Variants in ESRRG observed in about 807,000 individuals in gnomAD.
ESRRG encodes estrogen related receptor gamma.
Under a neutral mutation model 44.0 loss-of-function variants are expected in ESRRG, and 13 were observed. That is an observed-to-expected ratio of 0.30 (90% CI 0.19 to 0.47). The LOEUF (loss-of-function observed/expected upper bound fraction) is 0.47, where lower values mean the gene tolerates loss of function less well. ESRRG is among the 20% of genes least tolerant of loss of function. The pLI, the probability that ESRRG is intolerant of heterozygous loss-of-function variation, is 1.00. For synonymous variants in ESRRG, 215 were observed against 214.6 expected, an observed-to-expected ratio of 1.00 and a Z score of -0.02; for missense variants, 395 against 580.6, an observed-to-expected ratio of 0.68 and a Z score of 3.29.
At chr1:217,012,676 T>C (rs1051422794) in intron 1 of ESRRG, among the ~76,000 whole-genome samples, 38 of 152,190 alleles carry the variant, frequency 2.5e-4, no homozygotes, top group Non-Finnish European at 4.3e-4. Flanking sequence ...GGCCTCCCAC[T>C]TTGCCCTCAG....
chr1:217,091,708 C>T (rs1484762147), upstream of ESRRG, among the ~76,000 whole-genome samples: 2 of 152,072 alleles, frequency 1.3e-5, no homozygotes, highest in African/African-American at 2.4e-5. Context: ...GCAGTCTTGT[C>T]GGGTGCTTAG....
At chr1:216,969,211 A>G (rs991921264) in intron 1 of ESRRG, among the ~76,000 whole-genome samples, 1 of 152,144 alleles carries the variant, frequency 6.6e-6, no homozygotes, top group Non-Finnish European at 1.5e-5. Context: ...AACATTTTCT[A>G]CTGTCATGAA....
At position 217,048,524 on chromosome 1, in the gene ESRRG, G is replaced by A. The variant is rs553571200; in HGVS notation, c.-106+40983C>T. ...GGTGCTATTCCTGCAGAGGGCAGCA[G>A]TGAGGACCCAGAAGTCACTCAAACA... On this transcript the variant is annotated intron_variant, in intron 1 of 7. Coordinates refer to the ESRRG transcript ENST00000359162. 6.6e-5 allele frequency among the ~76,000 whole-genome samples: 10 copies of A among 152,290 alleles called. No homozygotes were observed. The East Asian group carries it at 1.7e-3, about 26-fold the overall frequency.
At chr1:216,991,538 T>C (rs74141720) in intron 1 of ESRRG, among the ~76,000 whole-genome samples, 3,432 of 151,964 alleles carry the variant, frequency 0.023, 93 homozygotes, top group African/African-American at 0.067. Context: ...AAATAGCTAA[T>C]TGATAAGTAA....
chr1:216,712,156 A>C (rs983981952), intron 1 of ESRRG, among the ~76,000 whole-genome samples: 2 of 152,226 alleles, frequency 1.3e-5, no homozygotes, highest in Non-Finnish European at 2.9e-5. Context: ...TCTTGGGTAC[A>C]TAGGCCCTAG....
chr1:216,616,453 G>A lies in ESRRG; in HGVS notation c.589+34520C>T, dbSNP rs527836729. On this transcript the variant is annotated intron_variant, in intron 3 of 6. Coordinates refer to ENST00000408911, the MANE Select transcript of ESRRG (RefSeq NM_001438.4). Reference sequence around the variant, plus strand: ...GTCTGATTAAAAAAATTTTAGAAAGGTTGATTTGTTTCCCTCTTTCTCTCA... The same window carrying A: ...GTCTGATTAAAAAAATTTTAGAAAGATTGATTTGTTTCCCTCTTTCTCTCA... 5.9e-5 allele frequency among the ~76,000 whole-genome samples: 9 copies of A among 152,292 alleles called. 1 individual carries two copies. The South Asian group carries it at 1.0e-3, about 18-fold the overall frequency.
intron 2 of ESRRG, chr1:216,862,141 A>G (rs560465651): frequency 6.6e-6 from 1 of 152,346 alleles, no homozygotes; most frequent in African/African-American, 2.4e-5. Context: ...TGAAAAGTTA[A>G]ACATACACTT....
chr1:216,936,673 A>G (rs964777935), intron 2 of ESRRG: 24 of 152,094 alleles, frequency 1.6e-4, no homozygotes, highest in African/African-American at 5.1e-4. Context: ...TTGAAATAAC[A>G]TCATAATTAA....
intron 1 of ESRRG, among the ~76,000 whole-genome samples, chr1:217,122,020 T>A (rs993611493): frequency 6.6e-6 from 1 of 152,170 alleles, no homozygotes; most frequent in Non-Finnish European, 1.5e-5. Flanking sequence ...AGGTTAACTA[T>A]GCAAATGACA....
chr1:216,990,053 C>T (rs534586362), intron 1 of ESRRG, among the ~76,000 whole-genome samples: 98 of 152,080 alleles, frequency 6.4e-4, no homozygotes, highest in Non-Finnish European at 1.2e-3. Context: ...CTCCGTTATA[C>T]CCAACAATTC....
In ESRRG at chr1:216,505,454, T is replaced by C. The variant is rs548197884; in HGVS notation, c.*1485A>G. On this transcript the variant is annotated 3_prime_UTR_variant, in exon 7 of 7. Coordinates refer to ENST00000408911, the MANE Select transcript of ESRRG (RefSeq NM_001438.4). ...GTCAGGCATTTTCTGTCTTTGATGA[T>C]TTTTTTTTTTAATTCTGGCATTTGC... The C allele has an allele frequency of 6.7e-6, 1 of 148,420 alleles. No homozygotes were observed. Among genetic ancestry groups the C allele is most frequent in the South Asian group, 2.1e-4 (1 of 4,718 alleles). 9.2% of individuals were successfully genotyped at this position (148,420 alleles called of 1,614,324 possible).
chr1:216,552,759 C>T (rs573868569), intron 5 of ESRRG, among the ~76,000 whole-genome samples: 29 of 152,184 alleles, frequency 1.9e-4, no homozygotes, highest in African/African-American at 5.1e-4. Context: ...ATCCCAGAAT[C>T]GACTTTTTGG....
chr1:216,870,909 C>T (rs547873040), intron 2 of ESRRG, among the ~76,000 whole-genome samples: 1 of 151,778 alleles, frequency 6.6e-6, no homozygotes, highest in African/African-American at 2.4e-5. Context: ...AGAAATTTAT[C>T]AATTGTGTTG....
chr1:216,868,821 C>T lies in ESRRG; in HGVS notation c.-14+70761G>A, dbSNP rs186830839. Among the ~76,000 whole-genome samples the T allele has an allele frequency of 2.6e-3, 402 of 152,228 alleles. 3 individuals are homozygous for T. The highest frequency in any genetic ancestry group is 3.2e-3 in the Non-Finnish European group (216 of 68,002). On this transcript the variant is annotated intron_variant, in intron 2 of 7. Coordinates refer to the ESRRG transcript ENST00000359162. ...TATGCATTTTCCTCATAACTAATGG[C>T]ATTGAACGTCCTTTCATGTGTTTAT...
At chr1:216,534,913 G>A (rs1313411211) in intron 5 of ESRRG, among the ~76,000 whole-genome samples, 3 of 152,058 alleles carry the variant, frequency 2.0e-5, no homozygotes, top group Non-Finnish European at 4.4e-5. Flanking sequence ...TCTGCAATGT[G>A]GCTTATCCCA....
intron 5 of ESRRG, among the ~76,000 whole-genome samples, chr1:216,533,735 G>A (rs898264889): frequency 1.3e-5 from 2 of 152,060 alleles, no homozygotes; most frequent in Non-Finnish European, 2.9e-5. Context: ...AAGTGCAATT[G>A]GAAAGTATTT....
chr1:217,079,012 C>T lies in ESRRG; in HGVS notation c.-106+10495G>A, dbSNP rs770768855. On this transcript the variant is annotated intron_variant, in intron 1 of 7. Coordinates refer to the ESRRG transcript ENST00000359162. ...TTAGGAACAGACAAGCAATGAAGAA[C>T]ATGAAATATTCCACTGTTTAGCAGT... 1.1e-4 allele frequency among the ~76,000 whole-genome samples: 16 copies of T among 152,132 alleles called. 1 individual carries two copies. The highest frequency in any genetic ancestry group is 1.9e-4 in the Non-Finnish European group (13 of 68,022).
chr1:216,911,383 T>C (rs1301188477), intron 2 of ESRRG, among the ~76,000 whole-genome samples: 1 of 152,080 alleles, frequency 6.6e-6, no homozygotes, highest in African/African-American at 2.4e-5. Context: ...TCCAATAATA[T>C]GAAAAGGCAA....
rs536051352 is a variant in ESRRG at position 217,062,166 on chromosome 1, C to T, written c.-106+27341G>A. ...AAATGGATTCCCGAGACACCCCTGG[C>T]GTGTGAATTAATTCTATTTGTATTA... On this transcript the variant is annotated intron_variant, in intron 1 of 7. Transcript: ENST00000359162. Among the ~76,000 whole-genome samples the T allele has an allele frequency of 9.1e-4, 139 of 152,180 alleles. 2 individuals are homozygous for T. The highest frequency in any genetic ancestry group is 3.1e-3 in the African/African-American group (130 of 41,510).
Sources: gnomAD v4.1 joint callset for allele counts (sites outside exome capture counted in the v4.1 genomes callset) on GRCh38, gnomAD v4.1.1 for gene constraint, MANE v1.5 for transcripts, NCBI Gene and HGNC (gene_info 2026-07-23, HGNC 2026-07-21) for gene names.